The following DNAAF5 variants were observed in gnomAD, a reference collection of about 807,000 sequenced individuals.
The protein encoded by DNAAF5 is dynein axonemal assembly factor 5.
DNAAF5 carries 64 observed loss-of-function variants against 75.8 expected under a neutral mutation model. The ratio of observed to expected loss-of-function variants is 0.84; its 90% CI spans 0.69 to 1.04. The LOEUF (loss-of-function observed/expected upper bound fraction) is 1.04, where lower values mean the gene tolerates loss of function less well. Among genes scored for constraint, DNAAF5 ranks in the 50% least tolerant of loss-of-function variants. The probability of loss-of-function intolerance (pLI) is 0.00; values close to 1 mark genes in which losing one functional copy is unlikely to be tolerated. For synonymous variants in DNAAF5, 657 were observed against 557.2 expected (o/e 1.18, Z -2.52); for missense variants, 1,269 against 1,178.5 (o/e 1.08, Z -1.12).
Position 774,168 on chromosome 7 carries a change from C to T in DNAAF5, c.2052C>T (p.Leu684=), listed in dbSNP as rs2128084824. 1 of 1,611,360 alleles carries T rather than the reference C, an allele frequency of 6.2e-7. No homozygotes were observed. Among genetic ancestry groups the T allele is most frequent in the Non-Finnish European group, 8.5e-7 (1 of 1,179,790 alleles). ...CTGCCGTGTCCTGCCTCTGGGCGCT[C>T]ACCAGCAGCGAGGTCCTGTCGGCAG... ...RTAAVSCLWA[L]TSSEVLSAEQ... is the part of the protein sequence containing the mutation. The change falls in exon 10 of 13, where the codon CTC becomes CTT. Residue 684 remains leucine (L), a synonymous_variant. Coordinates refer to ENST00000297440, the MANE Select transcript of DNAAF5 (RefSeq NM_017802.4).
rs150554885 is a variant in DNAAF5 at position 752,720 on chromosome 7, A to T, written c.1025-1869A>T. On this transcript the variant is annotated intron_variant, in intron 4 of 12. Transcript: ENST00000297440. ...GACCGCTCTGTAACAGGGTAAAGCA[A>T]TGTGTGGACTTCATCAAAATGAACA... Among the ~76,000 whole-genome samples the T allele has an allele frequency of 9.2e-3, 1,399 of 152,384 alleles. 25 individuals are homozygous for T. The highest frequency in any genetic ancestry group is 0.032 in the African/African-American group (1,346 of 41,586).
At chr7:741,223 G>A (rs980411043) in intron 3 of DNAAF5, 124 bp from the exon 4 acceptor site, 1 of 751,944 alleles carries the variant, frequency 1.3e-6, no homozygotes, top group African/African-American at 1.8e-5. Flanking sequence ...CACCTTTTCT[G>A]GGGTTGGGGA....
chr7:780,225 C>A, intron 12 of DNAAF5, 81 bp downstream of exon 12: 1 of 1,369,032 alleles, frequency 7.3e-7, no homozygotes, highest in Non-Finnish European at 1.0e-6. Flanking sequence ...AGCCGTGTGA[C>A]CGGCCACAGG....
At chr7:766,142 T>A (rs1317382874) in intron 8 of DNAAF5, among the ~76,000 whole-genome samples, 1 of 152,194 alleles carries the variant, frequency 6.6e-6, no homozygotes, top group Non-Finnish European at 1.5e-5. Context: ...AAACTGCATT[T>A]CCCAATGATG....
At chr7:755,506 C>T (rs962683534) in intron 5 of DNAAF5, among the ~76,000 whole-genome samples, 2 of 152,232 alleles carry the variant, frequency 1.3e-5, no homozygotes, top group Non-Finnish European at 2.9e-5. Flanking sequence ...TGAAAATATC[C>T]TCATCTTGAA....
intron 4 of DNAAF5, among the ~76,000 whole-genome samples, chr7:751,374 C>T (rs1378359752): frequency 6.6e-6 from 1 of 151,872 alleles, no homozygotes; most frequent in African/African-American, 2.4e-5. Flanking sequence ...GTGGCTCACA[C>T]CTGTAATCTT....
intron 11 of DNAAF5, among the ~76,000 whole-genome samples, chr7:775,777 T>A (rs533852959): frequency 6.6e-6 from 1 of 151,380 alleles, no homozygotes; most frequent in Admixed American, 6.6e-5. Flanking sequence ...CGTGTGGACG[T>A]TGCGTTCTGC....
intron 6 of DNAAF5, among the ~76,000 whole-genome samples, chr7:761,305 A>G (rs548780434): frequency 2.6e-5 from 4 of 152,378 alleles, no homozygotes; most frequent in African/African-American, 7.2e-5. Flanking sequence ...CGTGAGCCGT[A>G]GACTAGGAGC....
intron 1 of DNAAF5, 44 bp downstream of exon 1, chr7:727,359 C>A: frequency 9.2e-7 from 1 of 1,090,934 alleles, no homozygotes; most frequent in Non-Finnish European, 1.1e-6. Flanking sequence ...CCCACACTCT[C>A]ACCCCCACCT....
chr7:735,407 TG>T (rs1781708462), intron 2 of DNAAF5, among the ~76,000 whole-genome samples: 1 of 151,960 alleles, frequency 6.6e-6, no homozygotes, highest in Admixed American at 6.6e-5. Flanking sequence ...TTGTTCTTCA[TG>T]GTGTAGCTGC....
At chr7:776,142 A>G (rs1262810795) in intron 11 of DNAAF5, among the ~76,000 whole-genome samples, 2 of 152,102 alleles carry the variant, frequency 1.3e-5, no homozygotes, top group Non-Finnish European at 2.9e-5. Context: ...GATAGAAACC[A>G]TCCTGGCCAA....
intron 8 of DNAAF5, among the ~76,000 whole-genome samples, chr7:767,540 A>C (rs535975391): frequency 6.6e-6 from 1 of 152,234 alleles, no homozygotes; most frequent in Non-Finnish European, 1.5e-5. Context: ...ATACATAATG[A>C]TATTTCCATA....
chr7:753,454 G>A (rs1308904379), intron 4 of DNAAF5, among the ~76,000 whole-genome samples: 1 of 152,222 alleles, frequency 6.6e-6, no homozygotes, highest in Non-Finnish European at 1.5e-5. Flanking sequence ...GTGCCTTGGG[G>A]GCTGCAGTGC....
rs150926878 is a variant in DNAAF5 at position 756,898 on chromosome 7, C to T, written c.1374C>T (p.Ser458=). The T allele has an allele frequency of 1.9e-5, 30 of 1,612,850 alleles. No homozygotes were observed. The highest frequency in any genetic ancestry group is 1.2e-4 in the Admixed American group (7 of 60,030). The stretch of plus-strand genomic sequence containing the variant: ...CCTCCGGCCTCCTGGTGCTGGCCTC[C>T]GCCATGCGGGGTTGCCCCCGAGAAG... ...PSASGLLVLA[S]AMRGCPREAL... Residue 458 remains serine (S), a synonymous_variant, in exon 6 of 13, where the codon TCC becomes TCT. Transcript: ENST00000297440.
intron 4 of DNAAF5, among the ~76,000 whole-genome samples, chr7:745,519 A>C (rs1488876122): frequency 2.6e-5 from 4 of 152,128 alleles, no homozygotes; most frequent in Admixed American, 2.6e-4. Flanking sequence ...GCACATATGC[A>C]CACGTGTGTA....
chr7:761,631 C>G, intron 6 of DNAAF5, 122 bp from the exon 7 acceptor site: 2 of 994,354 alleles, frequency 2.0e-6, no homozygotes. Context: ...TGATTCAGTT[C>G]CCTCCCACAG....
At chr7:734,611 C>T (rs1053544518) in intron 2 of DNAAF5, among the ~76,000 whole-genome samples, 1 of 152,182 alleles carries the variant, frequency 6.6e-6, no homozygotes, top group Middle Eastern at 3.2e-3. Flanking sequence ...TGGAGGTATT[C>T]CTTCCTCTTC....
intron 2 of DNAAF5, 110 bp from the exon 3 acceptor site, chr7:740,709 G>A: frequency 6.8e-7 from 1 of 1,467,050 alleles, no homozygotes; most frequent in Non-Finnish European, 9.3e-7. Context: ...ACCTGGCCGT[G>A]CCTCTGCCTC....
chr7:739,328 C>T (rs1462970560), intron 2 of DNAAF5, among the ~76,000 whole-genome samples: 3 of 152,102 alleles, frequency 2.0e-5, no homozygotes, highest in East Asian at 1.9e-4. Flanking sequence ...GCAGGTGCGG[C>T]CGTGGCAGGT....
Sources: gnomAD v4.1 joint callset for allele counts (sites outside exome capture counted in the v4.1 genomes callset) on GRCh38, gnomAD v4.1.1 for gene constraint, MANE v1.5 for transcripts, NCBI Gene and HGNC (gene_info 2026-07-23, HGNC 2026-07-21) for gene names.